The following EDAR variants were observed in gnomAD, a reference collection of about 807,000 sequenced individuals.
EDAR encodes ectodysplasin A receptor.
Under a neutral mutation model 51.3 loss-of-function variants are expected in EDAR, and 38 were observed. The ratio of observed to expected loss-of-function variants is 0.74; its 90% CI spans 0.57 to 0.97. The LOEUF is 0.97. Among genes scored for constraint, EDAR ranks in the 50% least tolerant of loss-of-function variants. The pLI, the probability that EDAR is intolerant of heterozygous loss-of-function variation, is 0.00. For synonymous variants in EDAR, 227 were observed against 242.1 expected, an observed-to-expected ratio of 0.94 and a Z score of 0.58; for missense variants, 528 against 595.0, an observed-to-expected ratio of 0.89 and a Z score of 1.17.
At chr2:108,906,714 G>A (rs544966497) in intron 10 of EDAR, among the ~76,000 whole-genome samples, 1 of 152,336 alleles carries the variant, frequency 6.6e-6, no homozygotes, top group East Asian at 1.9e-4. Flanking sequence ...AGCCGTGCGG[G>A]GCTCCCATCC....
intron 1 of EDAR, among the ~76,000 whole-genome samples, chr2:108,958,475 GA>G (rs764091828): frequency 2.3e-4 from 35 of 152,128 alleles, no homozygotes; most frequent in Non-Finnish European, 4.3e-4. Flanking sequence ...AGCTGAGGCA[GA>G]AGGCTCACAA....
At chr2:108,962,627 A>G (rs1263910664) in intron 1 of EDAR, among the ~76,000 whole-genome samples, 1 of 144,214 alleles carries the variant, frequency 6.9e-6, no homozygotes, top group African/African-American at 2.6e-5. Context: ...GAGAGCCGAG[A>G]TCGCTCCACT....
At chr2:108,909,566 G>A (rs992094133) in intron 9 of EDAR, among the ~76,000 whole-genome samples, 1 of 152,172 alleles carries the variant, frequency 6.6e-6, no homozygotes, top group Non-Finnish European at 1.5e-5. Context: ...GCACTGTTGC[G>A]GGGGTGTCCT....
At chr2:108,958,299 C>G (rs1213685309) in intron 1 of EDAR, among the ~76,000 whole-genome samples, 3 of 152,180 alleles carry the variant, frequency 2.0e-5, no homozygotes, top group African/African-American at 7.2e-5. Flanking sequence ...CAACCGCAGA[C>G]TGGCTGCTTG....
At chr2:108,973,355 G>T (rs1318032122) in intron 1 of EDAR, among the ~76,000 whole-genome samples, 1 of 152,216 alleles carries the variant, frequency 6.6e-6, no homozygotes, top group Non-Finnish European at 1.5e-5. Context: ...TGACTCAGGG[G>T]GCTGGCTAGG....
At chr2:108,981,655 C>A (rs139878174) in intron 1 of EDAR, among the ~76,000 whole-genome samples, 4 of 152,164 alleles carry the variant, frequency 2.6e-5, no homozygotes, top group African/African-American at 9.7e-5. Flanking sequence ...TATCCCCACA[C>A]CCGAGATAGT....
intron 11 of EDAR, among the ~76,000 whole-genome samples, chr2:108,898,422 G>A (rs1696640270): frequency 6.6e-6 from 1 of 152,142 alleles, no homozygotes; most frequent in Non-Finnish European, 1.5e-5. Context: ...TCACCCAACA[G>A]TAGCAAGACA....
chr2:108,974,199 A>G lies in EDAR; in HGVS notation c.-19+14761T>C, dbSNP rs1455015967. Among the ~76,000 whole-genome samples the G allele has an allele frequency of 6.6e-5, 10 of 151,198 alleles. No individual in the cohort carries two copies. The South Asian group carries it at 1.5e-3, about 22-fold the overall frequency. ...CAAAAAATTAGCTGGGCGTGGTGGCAGGCGCCTGTAGTCCCAGCTAGTTGG... is the reference window on the plus strand; with the variant it reads ...CAAAAAATTAGCTGGGCGTGGTGGCGGGCGCCTGTAGTCCCAGCTAGTTGG... On this transcript the variant is annotated intron_variant, in intron 1 of 11. Coordinates refer to ENST00000258443, the MANE Select transcript of EDAR (RefSeq NM_022336.4).
intron 3 of EDAR, 50 bp downstream of exon 3, chr2:108,930,070 G>A (rs776945813): frequency 6.3e-7 from 1 of 1,582,674 alleles, no homozygotes; most frequent in Non-Finnish European, 8.6e-7. Flanking sequence ...GCCACAAGCA[G>A]GAGGCCTCCC....
chr2:108,906,162 G>A (rs880921), intron 11 of EDAR, 146 bp downstream of exon 11: 3 of 780,176 alleles, frequency 3.8e-6, no homozygotes, highest in Admixed American at 2.1e-5. Context: ...ACCTGAAATA[G>A]TTTCCAGCGG....
intron 1 of EDAR, among the ~76,000 whole-genome samples, chr2:108,985,320 G>A (rs2104489122): frequency 6.6e-6 from 1 of 152,272 alleles, no homozygotes; most frequent in East Asian, 1.9e-4. Flanking sequence ...CCTCATTGCT[G>A]ATTTCGTCCG....
chr2:108,902,348 C>T (rs1240155578), intron 11 of EDAR, among the ~76,000 whole-genome samples: 1 of 152,136 alleles, frequency 6.6e-6, no homozygotes, highest in Non-Finnish European at 1.5e-5. Context: ...TGCACTCCAG[C>T]CTGGGTGACA....
In EDAR at chr2:108,968,849, G is replaced by A. The variant is rs150058794; in HGVS notation, c.-19+20111C>T. Among the ~76,000 whole-genome samples the A allele has an allele frequency of 7.3e-3, 1,114 of 152,316 alleles. 13 individuals are homozygous for A. The highest frequency in any genetic ancestry group is 0.025 in the African/African-American group (1,023 of 41,576). The stretch of plus-strand genomic sequence containing the variant: ...GGGGCGTGTACCTGAGCTTCACTCT[G>A]CTATGCACTATTTGGCCAAAGCCCA... On this transcript the variant is annotated intron_variant, in intron 1 of 11. Coordinates refer to ENST00000258443, the MANE Select transcript of EDAR (RefSeq NM_022336.4).
chr2:108,922,334 G>C (rs1411344365), intron 5 of EDAR, among the ~76,000 whole-genome samples: 1 of 152,252 alleles, frequency 6.6e-6, no homozygotes, highest in African/African-American at 2.4e-5. Context: ...CATGAGTCAG[G>C]CTGGCAGCCG....
intron 2 of EDAR, among the ~76,000 whole-genome samples, chr2:108,930,604 G>A (rs762549766): frequency 5.3e-5 from 8 of 152,112 alleles, no homozygotes; most frequent in African/African-American, 9.7e-5. Flanking sequence ...TCAGAACACC[G>A]GCGTGTCCAG....
In EDAR at chr2:108,929,330, G is replaced by T; in HGVS notation, c.224C>A (p.Pro75Gln). The T allele has an allele frequency of 6.2e-7, 1 of 1,614,138 alleles. No individual in the cohort carries two copies. The highest frequency in any genetic ancestry group is 2.2e-5 in the East Asian group (1 of 44,886). Reference protein sequence around the residue: ...KDEDYGCVPCPAEKFSKGGYQ... With the variant: ...KDEDYGCVPCQAEKFSKGGYQ... Reference sequence around the variant, plus strand: ...GCCTCCTTTGGAAAACTTCTCCGCCGGGCAGGGGACGCAGCCGTAGTCCTC... The same window carrying T: ...GCCTCCTTTGGAAAACTTCTCCGCCTGGCAGGGGACGCAGCCGTAGTCCTC... The change falls in exon 4 of 12, where the codon CCG (proline) becomes CAG (glutamine). Residue 75 changes from proline (P) to glutamine (Q), a missense_variant. Pro to Gln is a moderately conservative substitution (Grantham distance 76, BLOSUM62 -1). Transcript: ENST00000258443.
Position 108,896,966 on chromosome 2 carries a change from C to T in EDAR, c.1288G>A (p.Asp430Asn), listed in dbSNP as rs886054744. 1 of 1,613,726 alleles carries T rather than the reference C, an allele frequency of 6.2e-7. No individual in the cohort carries two copies. Among genetic ancestry groups the T allele is most frequent in the East Asian group, 2.2e-5 (1 of 44,856 alleles). The change falls in exon 12 of 12, where the codon GAC becomes AAC. Residue 430 changes from aspartate to asparagine, a missense_variant. Transcript: ENST00000258443. ...RLDAVESLCA[D>N]ILEWAGVVPP... ...ACAACCCCCGCCCACTCCAGTATGT[C>T]TGCACACAAGGACTCCACAGCATCC...
intron 1 of EDAR, among the ~76,000 whole-genome samples, chr2:108,959,498 T>C (rs1302368320): frequency 6.6e-6 from 1 of 152,212 alleles, no homozygotes; most frequent in Admixed American, 6.5e-5. Flanking sequence ...AATGCTTTGT[T>C]TCTCTGTGAT....
intron 1 of EDAR, among the ~76,000 whole-genome samples, chr2:108,948,205 A>G (rs753606328): frequency 7.2e-5 from 11 of 152,204 alleles, no homozygotes; most frequent in South Asian, 2.1e-4. Flanking sequence ...TCAGTTCCCA[A>G]TAAGTCCCTC....
Sources: gnomAD v4.1 joint callset for allele counts (sites outside exome capture counted in the v4.1 genomes callset) on GRCh38, gnomAD v4.1.1 for gene constraint, MANE v1.5 for transcripts, NCBI Gene and HGNC (gene_info 2026-07-23, HGNC 2026-07-21) for gene names.